Variants in ARHGAP21 observed in about 807,000 individuals in gnomAD.
ARHGAP21 encodes the protein rho GTPase-activating protein 21.
A neutral mutation model predicts 164.6 loss-of-function variants in ARHGAP21; 38 were observed. The ratio of observed to expected loss-of-function variants is 0.23; its 90% CI spans 0.18 to 0.30. The LOEUF (loss-of-function observed/expected upper bound fraction) is 0.30. Ranked by LOEUF, ARHGAP21 falls within the 10% of genes least tolerant of loss-of-function variation. The pLI is 1.00. For missense variants in ARHGAP21, 1,822 were observed against 2,370.7 expected (o/e 0.77, Z 4.81); for synonymous variants, 766 against 857.9 (o/e 0.89, Z 1.87).
chr10:24,643,337 C>A (rs1837266988), intron 4 of ARHGAP21, among the ~76,000 whole-genome samples: 1 of 152,164 alleles, frequency 6.6e-6, no homozygotes, highest in African/African-American at 2.4e-5. Flanking sequence ...TTCTGTTATG[C>A]TAGAATTTAA....
intron 2 of ARHGAP21, among the ~76,000 whole-genome samples, chr10:24,712,748 A>C (rs1844962000): frequency 6.6e-6 from 1 of 152,198 alleles, no homozygotes; most frequent in Admixed American, 6.5e-5. Context: ...AAAAAAAGTA[A>C]ACAAAAACAA....
At chr10:24,602,193 T>C in intron 12 of ARHGAP21, 90 bp from the exon 13 acceptor site, 1 of 1,457,448 alleles carries the variant, frequency 6.9e-7, no homozygotes, top group Non-Finnish European at 9.2e-7. Context: ...AAACTTTATT[T>C]AATGTTTCAA....
chr10:24,637,608 T>C (rs1263752059), intron 4 of ARHGAP21, among the ~76,000 whole-genome samples: 1 of 152,214 alleles, frequency 6.6e-6, no homozygotes, highest in Non-Finnish European at 1.5e-5. Flanking sequence ...AGCAATGCGA[T>C]GACTTCTGAA....
intron 4 of ARHGAP21, among the ~76,000 whole-genome samples, chr10:24,655,767 A>G (rs1838766621): frequency 7.3e-6 from 1 of 137,294 alleles, no homozygotes; most frequent in South Asian, 2.7e-4. Context: ...CTAGGAAGTG[A>G]GGAGCGCCTC....
intron 5 of ARHGAP21, among the ~76,000 whole-genome samples, chr10:24,633,887 T>TA (rs1197168738): frequency 8.3e-6 from 1 of 119,876 alleles, no homozygotes; most frequent in Non-Finnish European, 1.7e-5. Context: ...TTTTCTCTTT[T>TA]TTTTTTTTTT....
chr10:24,714,500 G>A (rs1213013869), intron 2 of ARHGAP21: 1 of 152,082 alleles, frequency 6.6e-6, no homozygotes, highest in Non-Finnish European at 1.5e-5. Flanking sequence ...TAAAATCCAG[G>A]CTTCTGCCGA....
At chr10:24,675,997 A>C (rs576624436) in intron 2 of ARHGAP21, among the ~76,000 whole-genome samples, 29 of 152,206 alleles carry the variant, frequency 1.9e-4, no homozygotes, top group Non-Finnish European at 3.5e-4. Flanking sequence ...AAAATACAAA[A>C]ATTAGCTGAG....
intron 2 of ARHGAP21, among the ~76,000 whole-genome samples, chr10:24,704,158 CTCT>C (rs1481029302): frequency 6.6e-6 from 1 of 152,190 alleles, no homozygotes; most frequent in Non-Finnish European, 1.5e-5. Context: ...ACTTTCTTTA[CTCT>C]TCAACTGCCT....
intron 4 of ARHGAP21, among the ~76,000 whole-genome samples, chr10:24,651,190 A>C (rs1283813822): frequency 3.3e-5 from 5 of 152,174 alleles, no homozygotes; most frequent in African/African-American, 1.2e-4. Flanking sequence ...CTTTGGATCC[A>C]TCACCATGTT....
chr10:24,625,336 ATAAGGTGGTAAGAT>A (rs1306557206), intron 7 of ARHGAP21, among the ~76,000 whole-genome samples: 1 of 151,408 alleles, frequency 6.6e-6, no homozygotes, highest in Non-Finnish European at 1.5e-5. Flanking sequence ...TGAAGAATAA[ATAAGGTGGTAAGAT>A]TAAAATTCCT....
At chr10:24,718,977 A>G (rs1305453519) in intron 2 of ARHGAP21, among the ~76,000 whole-genome samples, 3 of 152,130 alleles carry the variant, frequency 2.0e-5, no homozygotes, top group Non-Finnish European at 4.4e-5. Context: ...ACCTTGAAAG[A>G]TGAAGCTATA....
intron 24 of ARHGAP21, chr10:24,589,644 T>C (rs2076251548): frequency 1.8e-5 from 4 of 221,612 alleles, no homozygotes. Flanking sequence ...AATTTTCTTT[T>C]TTAATGTACC....
intron 4 of ARHGAP21, among the ~76,000 whole-genome samples, chr10:24,644,849 T>C (rs1837403155): frequency 6.6e-6 from 1 of 152,222 alleles, no homozygotes; most frequent in South Asian, 2.1e-4. Context: ...GACTTAATTA[T>C]AACATATAAA....
intron 2 of ARHGAP21, among the ~76,000 whole-genome samples, chr10:24,672,324 A>G (rs1166124358): frequency 1.3e-5 from 2 of 151,970 alleles, no homozygotes; most frequent in East Asian, 3.9e-4. Context: ...AATTTTCTCA[A>G]CTTGACTTCT....
chr10:24,591,503 G>A, intron 23 of ARHGAP21, 139 bp downstream of exon 23: 1 of 1,195,858 alleles, frequency 8.4e-7, no homozygotes, highest in East Asian at 2.3e-5. Context: ...ATATTCATTA[G>A]ATCAGAAACT....
intron 2 of ARHGAP21, among the ~76,000 whole-genome samples, chr10:24,687,371 C>G (rs117826514): frequency 1.3e-5 from 2 of 152,134 alleles, no homozygotes; most frequent in African/African-American, 2.4e-5. Context: ...GAAATTTATA[C>G]GAAATGAGTA....
chr10:24,716,369 G>A (rs1016629677), intron 2 of ARHGAP21, among the ~76,000 whole-genome samples: 10 of 152,206 alleles, frequency 6.6e-5, no homozygotes, highest in Admixed American at 6.5e-4. Flanking sequence ...AGCTTCACTC[G>A]GAAGGTGACC....
intron 4 of ARHGAP21, among the ~76,000 whole-genome samples, chr10:24,659,691 T>C (rs755519261): frequency 9.2e-5 from 14 of 152,160 alleles, no homozygotes; most frequent in Non-Finnish European, 1.8e-4. Context: ...GTTTTGTAGA[T>C]AGAGATCTTG....
intron 2 of ARHGAP21, among the ~76,000 whole-genome samples, chr10:24,687,253 T>C (rs1842300038): frequency 6.6e-6 from 1 of 152,190 alleles, no homozygotes; most frequent in Non-Finnish European, 1.5e-5. Flanking sequence ...AATTGCTTGT[T>C]CATACATCTA....
Sources: gnomAD v4.1 joint callset for allele counts (sites outside exome capture counted in the v4.1 genomes callset) on GRCh38, gnomAD v4.1.1 for gene constraint, MANE v1.5 for transcripts, NCBI Gene and HGNC (gene_info 2026-07-23, HGNC 2026-07-21) for gene names.